The following RECQL5 variants were observed in gnomAD, a reference collection of about 807,000 sequenced individuals.
RECQL5 encodes RecQ like helicase 5, also known as ATP-dependent DNA helicase Q5.
RECQL5 carries 88 observed loss-of-function variants against 103.4 expected under a neutral mutation model. The observed-to-expected ratio is 0.85, with a 90% CI of 0.72 to 1.02. The LOEUF (loss-of-function observed/expected upper bound fraction) is 1.02, where lower values mean the gene tolerates loss of function less well. Among genes scored for constraint, RECQL5 ranks in the 50% least tolerant of loss-of-function variants. The pLI is 0.00. For synonymous variants in RECQL5, 552 were observed against 507.9 expected, an observed-to-expected ratio of 1.09 and a Z score of -1.17; for missense variants, 1,232 against 1,284.3, an observed-to-expected ratio of 0.96 and a Z score of 0.62.
chr17:75,649,641 C>T (rs1599034389), intron 8 of RECQL5: 1 of 985,466 alleles, frequency 1.0e-6, no homozygotes, highest in East Asian at 1.1e-4. Context: ...GGAGAAGGGG[C>T]TTTTTCTTTG....
intron 8 of RECQL5, chr17:75,647,409 G>A (rs1437774773): frequency 1.3e-6 from 2 of 1,549,728 alleles, no homozygotes; most frequent in African/African-American, 2.7e-5. Flanking sequence ...AGACAATCTG[G>A]AATGATGCGT....
intron 4 of RECQL5, 47 bp from the exon 5 acceptor site, chr17:75,661,755 C>T (rs747392384): frequency 7.1e-7 from 1 of 1,410,538 alleles, no homozygotes; most frequent in Non-Finnish European, 1.0e-6. Context: ...AAGAACAGAA[C>T]AATAGGCCCA....
chr17:75,628,363 A>G lies in RECQL5; in HGVS notation c.2660T>C (p.Val887Ala). 6.2e-7 allele frequency: 1 copy of G among 1,614,000 alleles called. No homozygotes were observed. The highest frequency in any genetic ancestry group is 8.5e-7 in the Non-Finnish European group (1 of 1,180,022). The change falls in exon 18 of 20, where the codon GTC becomes GCC. Residue 887 changes from valine (V) to alanine (A), a missense_variant. Val to Ala is a moderately conservative substitution (Grantham distance 64). Coordinates refer to ENST00000317905, the MANE Select transcript of RECQL5 (RefSeq NM_004259.7). ...PSVVAEVKGS[V>A]SASEQGTLNP... ...CAAGGTGCCCTGTTCGCTGGCCGAG[A>G]CGCTGCCCTTGACCTCAGCTACGAC...
At chr17:75,654,769 A>G (rs1341092205) in intron 7 of RECQL5, among the ~76,000 whole-genome samples, 1 of 151,966 alleles carries the variant, frequency 6.6e-6, no homozygotes, top group Non-Finnish European at 1.5e-5. Context: ...ACAGGCGCAC[A>G]TCACCATGCT....
At position 75,640,741 on chromosome 17, in the gene RECQL5, A is replaced by T; in HGVS notation, c.1230-9073T>A. On this transcript the variant is annotated intron_variant, in intron 8 of 19. Transcript: ENST00000317905. This position sits in a 1 kb window ranked among gnomAD's most constrained non-coding sequence, Gnocchi z 4.6. ...GGGTTTCTCTGGGAGGAGGGTGGGC[A>T]TCCTTTCTCTCCCCCAACCTGAGTC... 6.5e-7 allele frequency: 1 copy of T among 1,530,238 alleles called. No individual in the cohort carries two copies. The allele number at this position is 1,530,238 out of a possible 1,614,324, so 94.8% of individuals were successfully genotyped here.
chr17:75,628,983 G>T lies in RECQL5; in HGVS notation c.2440C>A (p.His814Asn). 1 of 1,563,378 alleles carries T rather than the reference G, an allele frequency of 6.4e-7. No homozygotes were observed. The highest frequency in any genetic ancestry group is 8.6e-7 in the Non-Finnish European group (1 of 1,157,816). The change falls in exon 16 of 20, where the codon CAT becomes AAT. Residue 814 changes from histidine to asparagine, a missense_variant. Physicochemically the swap from His to Asn is moderately conservative, Grantham distance 68. Coordinates refer to ENST00000317905, the MANE Select transcript of RECQL5 (RefSeq NM_004259.7). The stretch of plus-strand genomic sequence containing the variant: ...TCAGTCTGGGGAGGGGCAGGCGAAT[G>T]TCCCCCGGCTCCATCTTCCTCCCCT... ...YTGEEDGAGG[H>N]SPAPPQTEEC...
At chr17:75,633,011 A>G (rs181551166) in intron 8 of RECQL5, among the ~76,000 whole-genome samples, 182 of 152,396 alleles carry the variant, frequency 1.2e-3, no homozygotes, top group Middle Eastern at 3.4e-3. Context: ...CCGGTAAGGA[A>G]GCAGGGCCTG....
intron 3 of RECQL5, among the ~76,000 whole-genome samples, chr17:75,664,441 T>C (rs916566302): frequency 6.6e-6 from 1 of 152,174 alleles, no homozygotes; most frequent in African/African-American, 2.4e-5. Flanking sequence ...TGAGACTGAG[T>C]GTATATGTGT....
chr17:75,643,737 T>C (rs2059458439), intron 8 of RECQL5, among the ~76,000 whole-genome samples: 1 of 152,210 alleles, frequency 6.6e-6, no homozygotes, highest in South Asian at 2.1e-4. Flanking sequence ...GCCATCAGGC[T>C]GGTTTCAGGT....
At chr17:75,656,911 A>AT (rs1279293212) in intron 7 of RECQL5, among the ~76,000 whole-genome samples, 13 of 151,848 alleles carry the variant, frequency 8.6e-5, no homozygotes, top group South Asian at 6.2e-4. Context: ...CGCCCGGCTA[A>AT]TTTTTTGTAT....
At position 75,647,924 on chromosome 17, in the gene RECQL5, T is replaced by C. The variant is rs2059508636; in HGVS notation, c.1229+3262A>G. 1.4e-5 allele frequency: 3 copies of C among 213,996 alleles called. No homozygotes were observed. In the South Asian group the frequency reaches 4.7e-4, roughly 33 times the overall value. The allele number at this position is 213,996 out of a possible 1,614,324, so 13.3% of individuals were successfully genotyped here. On this transcript the variant is annotated intron_variant, in intron 8 of 19. Coordinates refer to ENST00000317905, the MANE Select transcript of RECQL5 (RefSeq NM_004259.7). ...CCCAGCCAGCAATTTCACAAATCCT[T>C]GACAGAGAAAGACACAACCAAATGA...
intron 7 of RECQL5, among the ~76,000 whole-genome samples, chr17:75,654,941 T>C (rs186704175): frequency 6.6e-6 from 1 of 152,236 alleles, no homozygotes; most frequent in Admixed American, 6.5e-5. Flanking sequence ...TACAGGTGCA[T>C]ACCACTACAC....
At chr17:75,647,423 GGCAGAACCCCTGGGA>G in intron 8 of RECQL5, 1 of 1,550,026 alleles carries the variant, frequency 6.5e-7, no homozygotes, top group Non-Finnish European at 8.7e-7. Flanking sequence ...GATGCGTTCT[GGCAGAACCCCTGGGA>G]CCAGGGGGGC....
intron 8 of RECQL5, chr17:75,634,120 G>T: frequency 1.0e-6 from 1 of 985,510 alleles, no homozygotes; most frequent in African/African-American, 1.7e-5. Context: ...GAGCAGCGGC[G>T]CCCACGAAGG....
intron 7 of RECQL5, among the ~76,000 whole-genome samples, chr17:75,656,979 C>T (rs188214344): frequency 1.3e-5 from 2 of 152,014 alleles, no homozygotes; most frequent in African/African-American, 2.4e-5. Flanking sequence ...CTCCTGACCT[C>T]GTGATCCACC....
At chr17:75,638,675 A>G (rs1599012404) in intron 8 of RECQL5, 1 of 151,920 alleles carries the variant, frequency 6.6e-6, no homozygotes, top group Admixed American at 6.6e-5. Flanking sequence ...TGTGCCGGGC[A>G]CCCCCCTATG....
intron 8 of RECQL5, chr17:75,633,902 GCTTGT>G: frequency 1.0e-6 from 1 of 990,280 alleles, no homozygotes; most frequent in Non-Finnish European, 1.2e-6. Flanking sequence ...GAGAGAGGGA[GCTTGT>G]CTTGTCCCTG....
chr17:75,662,932 T>C lies in RECQL5; in HGVS notation c.318A>G (p.Ala106=). Reference sequence around the variant, plus strand: ...CAGCAAGCAGCTCCTTCCTTTCCTGTGCAGAGAGCTTCGAGTTCAGGGAAC... The same window carrying C: ...CAGCAAGCAGCTCCTTCCTTTCCTGCGCAGAGAGCTTCGAGTTCAGGGAAC... ...RVSSLNSKLS[A]QERKELLADL... The change falls in exon 4 of 20, where the codon GCA becomes GCG. Residue 106 remains alanine (A), a synonymous_variant. Transcript: ENST00000317905. 4 of 1,614,056 alleles carry C rather than the reference T, an allele frequency of 2.5e-6. No homozygotes were observed. The Admixed American group carries it at 6.7e-5, about 27-fold the overall frequency.
chr17:75,637,754 G>A (rs983713789), intron 8 of RECQL5: 4 of 152,428 alleles, frequency 2.6e-5, no homozygotes, highest in Middle Eastern at 6.8e-3. Context: ...GGCTTCCAGG[G>A]GGCTCTCGGG....
Sources: allele counts gnomAD v4.1 joint callset (sites outside exome capture counted in the v4.1 genomes callset), GRCh38; gene constraint gnomAD v4.1.1; non-coding constraint Gnocchi (gnomAD v3.1); transcripts MANE v1.5; gene names NCBI Gene and HGNC (gene_info 2026-07-23, HGNC 2026-07-21).